Variants in PRR5 observed in about 807,000 individuals in gnomAD.
PRR5 encodes proline-rich protein 5.
Under a neutral mutation model 30.6 loss-of-function variants are expected in PRR5, and 25 were observed. The observed-to-expected ratio is 0.82, with a 90% CI of 0.60 to 1.14. The LOEUF (loss-of-function observed/expected upper bound fraction) is 1.14, where lower values mean the gene tolerates loss of function less well. Among genes scored for constraint, PRR5 ranks in the 50% most tolerant of loss-of-function variants. The pLI is 0.00. For synonymous variants in PRR5, 286 were observed against 247.1 expected (o/e 1.16, Z -1.48); for missense variants, 600 against 547.1 (o/e 1.10, Z -0.96).
rs770248126 is a variant in PRR5, at chr22:44,737,124, G to A, written c.1044G>A (p.Leu348=). Residue 348 remains leucine, a synonymous_variant, in exon 8 of 8, where the codon CTG becomes CTA. Coordinates refer to ENST00000336985, the MANE Select transcript of PRR5 (RefSeq NM_181333.4). ...SSLPRSSPEN[L]VDQILESVDS... ...TGCCCCGCTCCAGCCCGGAGAACCTGGTGGACCAGATCCTGGAGTCCGTGG... is the reference window on the plus strand; with the variant it reads ...TGCCCCGCTCCAGCCCGGAGAACCTAGTGGACCAGATCCTGGAGTCCGTGG... 2 of 1,612,524 alleles carry A rather than the reference G, an allele frequency of 1.2e-6. No individual in the cohort carries two copies. Among genetic ancestry groups the A allele is most frequent in the Non-Finnish European group, 1.7e-6 (2 of 1,180,002 alleles).
chr22:44,735,505 G>T (rs891754209), intron 7 of PRR5, among the ~76,000 whole-genome samples: 1 of 152,204 alleles, frequency 6.6e-6, no homozygotes, highest in Non-Finnish European at 1.5e-5. Context: ...TCCTGGCTCA[G>T]TTAGGGGACC....
At chr22:44,712,665 A>G (rs2147069655) in intron 1 of PRR5, among the ~76,000 whole-genome samples, 1 of 152,300 alleles carries the variant, frequency 6.6e-6, no homozygotes, top group African/African-American at 2.4e-5. Flanking sequence ...GCAGATGAGG[A>G]CGTTAGGAGC....
At chr22:44,731,615 C>A in intron 4 of PRR5, 115 bp from the exon 5 acceptor site, 2 of 1,020,304 alleles carry the variant, frequency 2.0e-6, no homozygotes, top group East Asian at 2.5e-5. Flanking sequence ...CAGGTGCTGC[C>A]AGGGGCCTGA....
At chr22:44,730,109 GGC>G (rs1921668680) in intron 4 of PRR5, 1 of 985,274 alleles carries the variant, frequency 1.0e-6, no homozygotes. Context: ...GGCTGCCCCT[GGC>G]GGGGTCCCAC....
intron 1 of PRR5, among the ~76,000 whole-genome samples, chr22:44,704,865 C>CTTCACCA (rs1926933382): frequency 6.6e-6 from 1 of 152,194 alleles, no homozygotes; most frequent in Admixed American, 6.5e-5. Flanking sequence ...GGCAAACTGG[C>CTTCACCA]TTCACCAGCC....
At chr22:44,670,356 A>C (rs191190418) in intron 1 of PRR5, among the ~76,000 whole-genome samples, 94 of 152,308 alleles carry the variant, frequency 6.2e-4, no homozygotes, top group African/African-American at 2.1e-3. Flanking sequence ...GATTGCTGTG[A>C]AGTCCGGCAG....
chr22:44,674,182 C>T (rs1923581349), upstream of PRR5, among the ~76,000 whole-genome samples: 1 of 151,392 alleles, frequency 6.6e-6, no homozygotes, highest in Non-Finnish European at 1.5e-5. Context: ...TTAGACAGTG[C>T]CTTGCTCTTT....
At chr22:44,695,153 A>G (rs1400574570) in intron 1 of PRR5, among the ~76,000 whole-genome samples, 4 of 152,180 alleles carry the variant, frequency 2.6e-5, no homozygotes, top group Non-Finnish European at 5.9e-5. Context: ...CCTGGGTGAC[A>G]GAGCAAGACT....
intron 1 of PRR5, among the ~76,000 whole-genome samples, chr22:44,685,171 G>T (rs1410627492): frequency 6.6e-6 from 1 of 152,168 alleles, no homozygotes; most frequent in East Asian, 1.9e-4. Flanking sequence ...CAGGTCGGAG[G>T]GTAGATGGGT....
At chr22:44,726,737 C>T in intron 4 of PRR5, 103 bp downstream of exon 4, 3 of 1,553,522 alleles carry the variant, frequency 1.9e-6, no homozygotes, top group Non-Finnish European at 2.6e-6. Context: ...CAAGGTGTGG[C>T]TCTCTGGTCC....
intron 1 of PRR5, among the ~76,000 whole-genome samples, chr22:44,711,163 C>T (rs1039610118): frequency 1.3e-5 from 2 of 152,172 alleles, no homozygotes; most frequent in African/African-American, 4.8e-5. Flanking sequence ...CAGGTGTTCG[C>T]TGGCAGGTGC....
chr22:44,729,196 G>A (rs369592559), intron 4 of PRR5: 18 of 704,954 alleles, frequency 2.6e-5, no homozygotes, highest in Non-Finnish European at 3.1e-5. Flanking sequence ...TGCCTCGGCC[G>A]TCCCCGCGCC....
chr22:44,714,019 G>C (rs1206600244), intron 1 of PRR5, among the ~76,000 whole-genome samples: 2 of 151,758 alleles, frequency 1.3e-5, no homozygotes, highest in Non-Finnish European at 2.9e-5. Flanking sequence ...TCGCCAGGAT[G>C]ATCTCGATCT....
chr22:44,674,173 T>C (rs1029483091), upstream of PRR5, among the ~76,000 whole-genome samples: 8 of 151,838 alleles, frequency 5.3e-5, no homozygotes, highest in East Asian at 7.7e-4. Context: ...TTTTTTTTTT[T>C]AGACAGTGCC....
At chr22:44,732,973 AC>A (rs1569112148) in intron 6 of PRR5, among the ~76,000 whole-genome samples, 5 of 149,894 alleles carry the variant, frequency 3.3e-5, no homozygotes, top group Non-Finnish European at 7.4e-5. Context: ...ACACGCATAC[AC>A]ACTACACACA....
chr22:44,694,697 G>A (rs75252295), intron 1 of PRR5, among the ~76,000 whole-genome samples: 2,201 of 152,256 alleles, frequency 0.014, 25 homozygotes, highest in East Asian at 0.033. Context: ...TAACCCACCT[G>A]TAAACTAGGA....
At chr22:44,728,984 G>A (rs1006004432) in intron 4 of PRR5, among the ~76,000 whole-genome samples, 3 of 152,206 alleles carry the variant, frequency 2.0e-5, no homozygotes, top group Non-Finnish European at 4.4e-5. Context: ...GTAGTTTGAT[G>A]GCCTGTGTGT....
intron 1 of PRR5, among the ~76,000 whole-genome samples, chr22:44,704,664 A>G (rs4325862): frequency 6.6e-6 from 1 of 151,670 alleles, no homozygotes; most frequent in African/African-American, 2.4e-5. Context: ...AGCCCCGTTC[A>G]CTGCCCTTAA....
At chr22:44,706,231 T>A (rs1927173228) in intron 1 of PRR5, among the ~76,000 whole-genome samples, 1 of 152,250 alleles carries the variant, frequency 6.6e-6, no homozygotes. Context: ...GCTTGCTCTG[T>A]CATGAGAACT....
Sources: allele counts gnomAD v4.1 joint callset (sites outside exome capture counted in the v4.1 genomes callset), GRCh38; gene constraint gnomAD v4.1.1; transcripts MANE v1.5; gene names NCBI Gene and HGNC (gene_info 2026-07-23, HGNC 2026-07-21).